The following FGF13 variants were observed in gnomAD, a reference collection of about 807,000 sequenced individuals.
FGF13 encodes fibroblast growth factor 13, also known as fibroblast growth factor homologous factor 2.
In FGF13, 2 loss-of-function variants were observed where a neutral mutation model predicts 19.5. The observed-to-expected ratio is 0.10, with a 90% CI of 0.04 to 0.32. The LOEUF (loss-of-function observed/expected upper bound fraction) is 0.32. Ranked by LOEUF, FGF13 falls within the 10% of genes least tolerant of loss-of-function variation. The pLI, the probability that FGF13 is intolerant of heterozygous loss-of-function variation, is 1.00. For synonymous variants in FGF13, 72 were observed against 76.9 expected, an observed-to-expected ratio of 0.94 and a Z score of 0.33; for missense variants, 113 against 192.7, an observed-to-expected ratio of 0.59 and a Z score of 2.45.
intron 3 of FGF13, among the ~76,000 whole-genome samples, chrX:138,837,973 A>G (rs973792933): frequency 1.8e-5 from 2 of 112,091 alleles, no homozygotes; most frequent in South Asian, 7.5e-4. Context: ...ACTTAAAGAA[A>G]CAGCCTGGCC....
At chrX:138,991,826 C>T (rs912912361) in intron 1 of FGF13, among the ~76,000 whole-genome samples, 3 of 111,724 alleles carry the variant, frequency 2.7e-5, no homozygotes, top group Non-Finnish European at 5.6e-5. Context: ...CCAAATATCA[C>T]CAGAAAATAA....
intron 4 of FGF13, among the ~76,000 whole-genome samples, chrX:138,634,895 G>C (rs1213168393): frequency 7.1e-5 from 8 of 112,019 alleles, no homozygotes; most frequent in Non-Finnish European, 1.5e-4. Flanking sequence ...CTCCTGGCTA[G>C]CTACTGAAAG....
chrX:138,967,933 G>C (rs901987576), intron 1 of FGF13, among the ~76,000 whole-genome samples: 1 of 110,749 alleles, frequency 9.0e-6, no homozygotes, highest in African/African-American at 3.3e-5. Flanking sequence ...ACAGTACAGT[G>C]AGCAGTCATT....
intron 1 of FGF13, among the ~76,000 whole-genome samples, chrX:139,094,796 T>C (rs1385619891): frequency 8.9e-6 from 1 of 112,291 alleles, no homozygotes; most frequent in African/African-American, 3.2e-5. Flanking sequence ...ACTCCCACTC[T>C]GCTATGTGAC....
intron 3 of FGF13, among the ~76,000 whole-genome samples, chrX:138,768,365 C>T (rs1490636924): frequency 3.6e-5 from 4 of 111,174 alleles, no homozygotes; most frequent in African/African-American, 9.8e-5. Context: ...GGTTTCAGTT[C>T]TTCTAGCTTT....
chrX:139,152,935 C>T (rs1314026191), intron 1 of FGF13, among the ~76,000 whole-genome samples: 1 of 110,635 alleles, frequency 9.0e-6, no homozygotes, highest in Admixed American at 9.7e-5. Context: ...CTCCCTTCCC[C>T]CAAGGTCAAA....
At chrX:138,843,497 TG>T (rs2091162712) in intron 3 of FGF13, among the ~76,000 whole-genome samples, 1 of 112,172 alleles carries the variant, frequency 8.9e-6, no homozygotes, top group Non-Finnish European at 1.9e-5. Context: ...GGTCCATGAA[TG>T]CAGTATTTTC....
At chrX:138,645,214 G>A (rs1200957314) in intron 3 of FGF13, among the ~76,000 whole-genome samples, 2 of 112,197 alleles carry the variant, frequency 1.8e-5, no homozygotes, top group Non-Finnish European at 3.8e-5. Context: ...GGCCTGAGAG[G>A]AGAGTTCCTC....
At chrX:138,677,030 C>T (rs2089675263) in intron 3 of FGF13, among the ~76,000 whole-genome samples, 1 of 112,304 alleles carries the variant, frequency 8.9e-6, no homozygotes, top group Non-Finnish European at 1.9e-5. Flanking sequence ...GAATATGATT[C>T]GTATTTCAAA....
At chrX:138,700,631 G>C (rs757889806) in intron 3 of FGF13, among the ~76,000 whole-genome samples, 13 of 111,107 alleles carry the variant, frequency 1.2e-4, no homozygotes, top group African/African-American at 4.3e-4. Context: ...TGGAAGAATT[G>C]GAAAATTAAT....
At position 138,628,812 on chromosome X, in the gene FGF13, G is replaced by T. The variant is rs5929938; in HGVS notation, c.*4038C>A. Reference sequence around the variant, plus strand: ...GAACAAATGTACTGGTTAGGGAGGGGAGGAGTGCCACAGATCACTTCCCTC... The same window carrying T: ...GAACAAATGTACTGGTTAGGGAGGGTAGGAGTGCCACAGATCACTTCCCTC... On this transcript the variant is annotated 3_prime_UTR_variant, in exon 5 of 5. Coordinates refer to ENST00000315930, the MANE Select transcript of FGF13 (RefSeq NM_004114.5). The T allele has an allele frequency of 0.073, 8,178 of 111,542 alleles. 269 individuals are homozygous for T. Among genetic ancestry groups the T allele is most frequent in the Middle Eastern group, 0.14 (30 of 212 alleles). 9.2% of individuals were successfully genotyped at this position (111,542 alleles called of 1,213,427 possible).
intron 1 of FGF13, among the ~76,000 whole-genome samples, chrX:139,155,187 T>C (rs1268011982): frequency 8.9e-6 from 1 of 112,072 alleles, no homozygotes; most frequent in Non-Finnish European, 1.9e-5. Flanking sequence ...TAAAACTAGG[T>C]GTGCATATTT....
intron 1 of FGF13, among the ~76,000 whole-genome samples, chrX:139,059,933 C>G (rs1393350793): frequency 1.8e-5 from 2 of 111,727 alleles, no homozygotes; most frequent in Non-Finnish European, 3.8e-5. Context: ...GTGTGCATAT[C>G]TTTGACTTTG....
intron 1 of FGF13, among the ~76,000 whole-genome samples, chrX:139,097,666 A>C (rs867020447): frequency 8.9e-6 from 1 of 112,277 alleles, no homozygotes; most frequent in African/African-American, 3.2e-5. Context: ...AGAATAAAAT[A>C]TTGTAGTATT....
intron 1 of FGF13, among the ~76,000 whole-genome samples, chrX:138,873,554 C>T (rs2091369657): frequency 8.9e-6 from 1 of 111,783 alleles, no homozygotes; most frequent in Admixed American, 9.5e-5. Flanking sequence ...GTAATGTCCA[C>T]ACTGGGAGGC....
At chrX:138,918,694 A>G (rs954445104) in intron 1 of FGF13, among the ~76,000 whole-genome samples, 2 of 111,423 alleles carry the variant, frequency 1.8e-5, no homozygotes, top group African/African-American at 3.3e-5. Context: ...ATACAGCTAC[A>G]CTGCAGTGTG....
chrX:138,925,859 C>A (rs893812596), intron 1 of FGF13, among the ~76,000 whole-genome samples: 2 of 111,631 alleles, frequency 1.8e-5, no homozygotes, highest in Non-Finnish European at 3.8e-5. Flanking sequence ...TAGTATGCAT[C>A]TGCTTTCTGA....
intron 1 of FGF13, among the ~76,000 whole-genome samples, chrX:139,062,343 C>T (rs957302427): frequency 8.0e-5 from 9 of 111,806 alleles, no homozygotes; most frequent in African/African-American, 2.9e-4. Context: ...GTGTTCTTGG[C>T]TCCTTTATCA....
intron 2 of FGF13, among the ~76,000 whole-genome samples, chrX:138,860,378 A>G (rs976734894): frequency 9.0e-6 from 1 of 111,411 alleles, no homozygotes; most frequent in African/African-American, 3.3e-5. Flanking sequence ...CAATGCGTCC[A>G]TGGGGTACCA....
Sources: gnomAD v4.1 joint callset for allele counts (sites outside exome capture counted in the v4.1 genomes callset) on GRCh38, gnomAD v4.1.1 for gene constraint, MANE v1.5 for transcripts, NCBI Gene and HGNC (gene_info 2026-07-23, HGNC 2026-07-21) for gene names.